The following TEC variants were observed in gnomAD, a reference collection of about 807,000 sequenced individuals.
TEC encodes tyrosine-protein kinase Tec.
TEC carries 72 observed loss-of-function variants against 93.0 expected under a neutral mutation model. That is an observed-to-expected ratio of 0.77 (90% CI 0.64 to 0.94). TEC has a LOEUF of 0.94. TEC is among the 40% of genes least tolerant of loss of function. The pLI, the probability that TEC is intolerant of heterozygous loss-of-function variation, is 0.00. For synonymous variants in TEC, 249 were observed against 247.7 expected, an observed-to-expected ratio of 1.01 and a Z score of -0.05; for missense variants, 630 against 757.9, an observed-to-expected ratio of 0.83 and a Z score of 1.98.
At chr4:48,142,451 T>C (rs1024126138) in intron 14 of TEC, among the ~76,000 whole-genome samples, 3 of 151,988 alleles carry the variant, frequency 2.0e-5, no homozygotes, top group Non-Finnish European at 4.4e-5. Context: ...CCAGCCTGGG[T>C]GACAGAGCAA....
chr4:48,261,825 G>C (rs1385896865), intron 1 of TEC, among the ~76,000 whole-genome samples: 1 of 152,046 alleles, frequency 6.6e-6, no homozygotes, highest in Non-Finnish European at 1.5e-5. Flanking sequence ...AAAGGCAAAA[G>C]TATATATTGT....
chr4:48,218,041 G>A (rs1027105564), intron 2 of TEC, among the ~76,000 whole-genome samples: 3 of 151,912 alleles, frequency 2.0e-5, no homozygotes, highest in Non-Finnish European at 2.9e-5. Flanking sequence ...CTTGGACTTC[G>A]GACCTGGCAT....
Position 48,245,066 on chromosome 4 carries a change from G to A in TEC, c.-45-16407C>T, listed in dbSNP as rs928713805. Reference sequence around the variant, plus strand: ...CCCCAGCACTTCCGGAGGCCGAGGCGGGAGTATCACGAGGTGAGGATATTC... The same window carrying A: ...CCCCAGCACTTCCGGAGGCCGAGGCAGGAGTATCACGAGGTGAGGATATTC... On this transcript the variant is annotated intron_variant, in intron 1 of 17. Transcript: ENST00000381501. 1.1e-3 allele frequency among the ~76,000 whole-genome samples: 163 copies of A among 152,098 alleles called. 8 individuals carry two copies. Among genetic ancestry groups the A allele is most frequent in the African/African-American group, 9.2e-4 (38 of 41,412 alleles).
chr4:48,166,510 TG>T (rs1292415787), intron 7 of TEC, among the ~76,000 whole-genome samples: 4 of 152,132 alleles, frequency 2.6e-5, no homozygotes, highest in Non-Finnish European at 5.9e-5. Context: ...GACATGGTGG[TG>T]TTTTTTTTAA....
chr4:48,149,411 C>A (rs1720063097), intron 11 of TEC, 146 bp downstream of exon 11: 2 of 788,300 alleles, frequency 2.5e-6, no homozygotes, highest in African/African-American at 3.6e-5. Context: ...TTGTATATAT[C>A]ATTCCTTTAA....
chr4:48,201,068 T>G (rs928422568), intron 2 of TEC, among the ~76,000 whole-genome samples: 11 of 152,110 alleles, frequency 7.2e-5, no homozygotes, highest in African/African-American at 2.4e-4. Flanking sequence ...TAATGGTGGT[T>G]TGGATCATGG....
At chr4:48,177,198 T>A (rs1244945137) in intron 2 of TEC, among the ~76,000 whole-genome samples, 1 of 152,158 alleles carries the variant, frequency 6.6e-6, no homozygotes, top group African/African-American at 2.4e-5. Flanking sequence ...AAGCAGTATG[T>A]GCAAAGATAA....
At chr4:48,266,285 C>T (rs1724636348) in intron 1 of TEC, among the ~76,000 whole-genome samples, 1 of 152,084 alleles carries the variant, frequency 6.6e-6, no homozygotes, top group Admixed American at 6.5e-5. Context: ...CCAGGAGATC[C>T]AACACAAGAG....
chr4:48,149,252 C>G (rs1720057416), intron 11 of TEC, among the ~76,000 whole-genome samples: 2 of 152,158 alleles, frequency 1.3e-5, no homozygotes. Flanking sequence ...AATCATCACA[C>G]TGTCTTCCAC....
At position 48,264,553 on chromosome 4, in the gene TEC, C is replaced by T. The variant is rs967816130; in HGVS notation, c.-46+5199G>A. Among the ~76,000 whole-genome samples, 7 of 152,092 alleles carry T rather than the reference C, an allele frequency of 4.6e-5. No homozygotes were observed. The East Asian group carries it at 7.7e-4, about 17-fold the overall frequency. On this transcript the variant is annotated intron_variant, in intron 1 of 17. Coordinates refer to ENST00000381501, the MANE Select transcript of TEC (RefSeq NM_003215.3). ...GGACTCTCACCAGCCCAAGAGGTAA[C>T]GACCACAGAGGTTCCCCAAATAAAA... is the stretch of plus-strand genomic sequence containing the variant.
At chr4:48,205,571 T>C (rs565102040) in intron 2 of TEC, among the ~76,000 whole-genome samples, 2 of 152,318 alleles carry the variant, frequency 1.3e-5, no homozygotes, top group East Asian at 3.9e-4. Flanking sequence ...CCAGCCTATA[T>C]GCATTTTTTA....
In TEC at chr4:48,137,199, G is replaced by A; in HGVS notation, c.*217C>T. 1.8e-6 allele frequency: 1 copy of A among 548,806 alleles called. No homozygotes were observed. Among genetic ancestry groups the A allele is most frequent in the Non-Finnish European group, 3.2e-6 (1 of 310,476 alleles). The allele number at this position is 548,806 out of a possible 1,614,324, so 34.0% of individuals were successfully genotyped here. A position where few individuals can be genotyped will look rare whatever the true frequency, so the allele number is the denominator to read the frequency against. On this transcript the variant is annotated 3_prime_UTR_variant, in exon 18 of 18. Coordinates refer to ENST00000381501, the MANE Select transcript of TEC (RefSeq NM_003215.3). ...GCCTGAGGAATGAATAGAAATGAGT[G>A]ATTTTAATCACCATTTCTAAGGCAA... is the stretch of plus-strand genomic sequence containing the variant.
intron 2 of TEC, among the ~76,000 whole-genome samples, chr4:48,199,714 G>A (rs71614023): frequency 0.016 from 2,435 of 151,988 alleles, 31 homozygotes; most frequent in Admixed American, 0.034. Flanking sequence ...TGATCCACCC[G>A]CCTCGGCCTC....
At chr4:48,230,179 G>A (rs1240017061) in intron 1 of TEC, among the ~76,000 whole-genome samples, 9 of 152,174 alleles carry the variant, frequency 5.9e-5, no homozygotes, top group Admixed American at 3.9e-4. Context: ...CAGACAGCAC[G>A]GCCGGTGACT....
chr4:48,259,510 G>T (rs1041646240), intron 1 of TEC, among the ~76,000 whole-genome samples: 1 of 152,168 alleles, frequency 6.6e-6, no homozygotes, highest in Non-Finnish European at 1.5e-5. Context: ...GAGGTCAGGA[G>T]TTCGAGACCA....
intron 2 of TEC, among the ~76,000 whole-genome samples, chr4:48,214,667 CA>C (rs1231980626): frequency 6.6e-6 from 1 of 151,920 alleles, no homozygotes; most frequent in Non-Finnish European, 1.5e-5. Flanking sequence ...GCCTAGGCAA[CA>C]TGGCAAAACC....
At chr4:48,205,797 A>C (rs1308837901) in intron 2 of TEC, among the ~76,000 whole-genome samples, 2 of 152,250 alleles carry the variant, frequency 1.3e-5, no homozygotes, top group South Asian at 2.1e-4. Context: ...ACAGTTCCTC[A>C]AAAGGTTAAA....
chr4:48,151,526 G>C (rs966491166), intron 9 of TEC, among the ~76,000 whole-genome samples: 14 of 152,070 alleles, frequency 9.2e-5, no homozygotes, highest in African/African-American at 3.4e-4. Flanking sequence ...TCACATTATT[G>C]CACAGGCTGG....
At chr4:48,219,970 G>C (rs1723205106) in intron 2 of TEC, among the ~76,000 whole-genome samples, 1 of 151,996 alleles carries the variant, frequency 6.6e-6, no homozygotes, top group Non-Finnish European at 1.5e-5. Context: ...TTTGGGAAGA[G>C]CACTGAACTT....
Sources: gnomAD v4.1 joint callset for allele counts (sites outside exome capture counted in the v4.1 genomes callset) on GRCh38, gnomAD v4.1.1 for gene constraint, MANE v1.5 for transcripts, NCBI Gene and HGNC (gene_info 2026-07-23, HGNC 2026-07-21) for gene names.